The following CNTN5 variants were observed in gnomAD, a reference collection of about 807,000 sequenced individuals.
CNTN5 encodes the protein contactin-5.
A neutral mutation model predicts 129.1 loss-of-function variants in CNTN5; 77 were observed. The observed-to-expected ratio is 0.60, with a 90% CI of 0.50 to 0.72. CNTN5 has a LOEUF of 0.72. Among genes scored for constraint, CNTN5 ranks in the 30% least tolerant of loss-of-function variants. The pLI is 0.00. For missense variants in CNTN5, 1,478 were observed against 1,328.8 expected (o/e 1.11, Z -1.75); for synonymous variants, 509 against 465.6 (o/e 1.09, Z -1.20).
chr11:99,447,026 T>C (rs915657736), intron 2 of CNTN5, among the ~76,000 whole-genome samples: 1 of 152,198 alleles, frequency 6.6e-6, no homozygotes, highest in African/African-American at 2.4e-5. Context: ...CTACTGTTGT[T>C]CATAGTCTAT....
chr11:99,996,709 A>T (rs1419620446), intron 8 of CNTN5, among the ~76,000 whole-genome samples: 1 of 152,244 alleles, frequency 6.6e-6, no homozygotes, highest in Non-Finnish European at 1.5e-5. Flanking sequence ...ATTGACTCAC[A>T]GTTTCACATG....
chr11:99,626,546 C>T (rs1238608244), intron 3 of CNTN5, among the ~76,000 whole-genome samples: 1 of 152,100 alleles, frequency 6.6e-6, no homozygotes, highest in East Asian at 1.9e-4. Context: ...CTTCTATTGC[C>T]CCACCAGACT....
chr11:99,813,113 AC>A (rs1251563954), intron 3 of CNTN5, among the ~76,000 whole-genome samples: 2 of 151,988 alleles, frequency 1.3e-5, no homozygotes, highest in East Asian at 3.9e-4. Flanking sequence ...CCTGTTCCTA[AC>A]CCATCGTAGG....
chr11:100,164,615 A>T (rs1947566160), intron 13 of CNTN5, among the ~76,000 whole-genome samples: 1 of 151,890 alleles, frequency 6.6e-6, no homozygotes, highest in African/African-American at 2.4e-5. Flanking sequence ...TATACCATAA[A>T]TTATAACACT....
chr11:99,219,512 A>G (rs1860293535), intron 1 of CNTN5, among the ~76,000 whole-genome samples: 1 of 151,890 alleles, frequency 6.6e-6, no homozygotes, highest in Non-Finnish European at 1.5e-5. Flanking sequence ...GAGTATTCTT[A>G]TTCTACAAAA....
chr11:100,007,446 T>C (rs1269859697), intron 9 of CNTN5, among the ~76,000 whole-genome samples: 1 of 152,130 alleles, frequency 6.6e-6, no homozygotes, highest in African/African-American at 2.4e-5. Context: ...ATCAATTATC[T>C]TAGATAGATT....
intron 8 of CNTN5, among the ~76,000 whole-genome samples, chr11:99,970,378 A>G (rs908560026): frequency 6.6e-6 from 1 of 152,248 alleles, no homozygotes; most frequent in Non-Finnish European, 1.5e-5. Flanking sequence ...TGATTACACA[A>G]ATTTAAACTA....
intron 4 of CNTN5, among the ~76,000 whole-genome samples, chr11:99,842,670 T>G (rs1158163466): frequency 6.6e-6 from 1 of 152,220 alleles, no homozygotes; most frequent in Non-Finnish European, 1.5e-5. Context: ...AGGGTTTTTT[T>G]TCCCACAGCG....
intron 24 of CNTN5, among the ~76,000 whole-genome samples, chr11:100,352,888 C>A (rs771146239): frequency 6.6e-6 from 1 of 151,700 alleles, no homozygotes; most frequent in Admixed American, 6.6e-5. Context: ...TGCTTCAGCA[C>A]GTCAGATTCC....
At chr11:100,022,335 G>A (rs1941204816) in intron 9 of CNTN5, among the ~76,000 whole-genome samples, 1 of 152,300 alleles carries the variant, frequency 6.6e-6, no homozygotes, top group East Asian at 1.9e-4. Context: ...TCCTCTTAAA[G>A]TAGTTATTGA....
intron 2 of CNTN5, among the ~76,000 whole-genome samples, chr11:99,527,871 A>T (rs1360926794): frequency 2.0e-5 from 3 of 152,208 alleles, no homozygotes; most frequent in Non-Finnish European, 4.4e-5. Flanking sequence ...ACAGAGATCA[A>T]GCAGATGCTG....
intron 15 of CNTN5, among the ~76,000 whole-genome samples, chr11:100,212,319 T>C (rs1949050014): frequency 6.6e-6 from 1 of 152,160 alleles, no homozygotes; most frequent in Non-Finnish European, 1.5e-5. Flanking sequence ...ATTTCCCTAT[T>C]AAATACCAAC....
chr11:99,218,903 T>C (rs1345212483), intron 1 of CNTN5, among the ~76,000 whole-genome samples: 2 of 152,062 alleles, frequency 1.3e-5, no homozygotes. Flanking sequence ...GCTTAGATTA[T>C]GAAGGTAGGA....
chr11:99,591,604 C>G (rs1949982892), intron 3 of CNTN5, among the ~76,000 whole-genome samples: 2 of 152,104 alleles, frequency 1.3e-5, no homozygotes, highest in South Asian at 4.1e-4. Context: ...TCCCAAAGTG[C>G]TGGAATTACA....
chr11:99,183,239 G>A (rs938662482), intron 1 of CNTN5, among the ~76,000 whole-genome samples: 1 of 152,144 alleles, frequency 6.6e-6, no homozygotes, highest in African/African-American at 2.4e-5. Flanking sequence ...ATCAGGCAGT[G>A]ATGAAATTTC....
At chr11:99,959,774 C>T (rs1003580299) in intron 8 of CNTN5, among the ~76,000 whole-genome samples, 5 of 151,936 alleles carry the variant, frequency 3.3e-5, no homozygotes, top group Non-Finnish European at 5.9e-5. Context: ...TGACATTTAA[C>T]AAAAACAAAA....
At chr11:99,773,593 A>T (rs1945017755) in intron 3 of CNTN5, among the ~76,000 whole-genome samples, 1 of 152,124 alleles carries the variant, frequency 6.6e-6, no homozygotes, top group African/African-American at 2.4e-5. Flanking sequence ...ACACATAGGA[A>T]AAAAAATGGT....
rs137972197 is a variant in CNTN5, at chr11:99,713,126, G to A, written c.56-106418G>A. ...TTTATCCTATCCATGAGCATGGAAT[G>A]GCTTTCCATTTGTTTGTGTCCTCTT... On this transcript the variant is annotated intron_variant, in intron 3 of 24. Coordinates refer to ENST00000524871, the MANE Select transcript of CNTN5 (RefSeq NM_014361.4). Among the ~76,000 whole-genome samples, 228 of 152,220 alleles carry A rather than the reference G, an allele frequency of 1.5e-3. 1 individual carries two copies. Among genetic ancestry groups the A allele is most frequent in the African/African-American group, 5.2e-3 (215 of 41,540 alleles).
chr11:99,579,752 G>GATATACA (rs1326950023), intron 3 of CNTN5, among the ~76,000 whole-genome samples: 2 of 149,516 alleles, frequency 1.3e-5, no homozygotes, highest in Admixed American at 1.3e-4. Context: ...GGGTTTTCTA[G>GATATACA]ATATACAATG....
Sources: allele counts gnomAD v4.1 joint callset (sites outside exome capture counted in the v4.1 genomes callset), GRCh38; gene constraint gnomAD v4.1.1; transcripts MANE v1.5; gene names NCBI Gene and HGNC (gene_info 2026-07-23, HGNC 2026-07-21).